The following KAT2B variants were observed in gnomAD, a reference collection of about 807,000 sequenced individuals.
KAT2B encodes the protein lysine acetyltransferase 2B.
In KAT2B, 36 loss-of-function variants were observed where a neutral mutation model predicts 105.9. The ratio of observed to expected loss-of-function variants is 0.34; its 90% CI spans 0.26 to 0.45. The LOEUF (loss-of-function observed/expected upper bound fraction) is 0.45, where lower values mean the gene tolerates loss of function less well. Ranked by LOEUF, KAT2B falls within the 20% of genes least tolerant of loss-of-function variation. The pLI is 1.00. For synonymous variants in KAT2B, 397 were observed against 377.9 expected, an observed-to-expected ratio of 1.05 and a Z score of -0.59; for missense variants, 820 against 1,021.6, an observed-to-expected ratio of 0.80 and a Z score of 2.69.
intron 17 of KAT2B, among the ~76,000 whole-genome samples, chr3:20,150,933 G>C (rs976532015): frequency 7.2e-5 from 11 of 152,250 alleles, no homozygotes; most frequent in South Asian, 2.1e-4. Flanking sequence ...ATTATATTGG[G>C]CAGCATATCT....
chr3:20,082,659 T>G (rs1042570605), intron 2 of KAT2B, among the ~76,000 whole-genome samples: 1 of 152,238 alleles, frequency 6.6e-6, no homozygotes, highest in African/African-American at 2.4e-5. Context: ...ATACATTTTT[T>G]GTTATTTTTT....
At chr3:20,139,591 G>A (rs1699663826) in intron 12 of KAT2B, among the ~76,000 whole-genome samples, 2 of 151,818 alleles carry the variant, frequency 1.3e-5, no homozygotes, top group Non-Finnish European at 2.9e-5. Flanking sequence ...GATACTTAAG[G>A]CAAATTATGT....
chr3:20,040,780 G>C lies in KAT2B; in HGVS notation c.303G>C (p.Lys101Asn). ...LEKLGVYSACKAEESCKCNGW... is the reference protein window; with the variant it reads ...LEKLGVYSACNAEESCKCNGW... ...AACTCGGAGTGTACTCCGCCTGCAAGGTACGCGCTCGCCGCTCTCGGACCG... is the reference window on the plus strand; with the variant it reads ...AACTCGGAGTGTACTCCGCCTGCAACGTACGCGCTCGCCGCTCTCGGACCG... Residue 101 changes from lysine (K) to asparagine (N), a missense_variant and splice_region_variant, in exon 1 of 18, where the codon AAG becomes AAC. Around this residue, in one of 6 missense-constraint regions of KAT2B, gnomAD observed 190 missense variants for 176.7 expected, o/e 1.08. Coordinates refer to ENST00000263754, the MANE Select transcript of KAT2B (RefSeq NM_003884.5). 1.3e-6 allele frequency: 2 copies of C among 1,588,162 alleles called. No individual in the cohort carries two copies. The highest frequency in any genetic ancestry group is 1.7e-6 in the Non-Finnish European group (2 of 1,170,934).
chr3:20,047,113 G>A, intron 1 of KAT2B, among the ~76,000 whole-genome samples: 1 of 151,526 alleles, frequency 6.6e-6, no homozygotes, highest in Non-Finnish European at 1.5e-5. Flanking sequence ...TTGAGGCAGG[G>A]TCTTACTCTG....
intron 7 of KAT2B, among the ~76,000 whole-genome samples, chr3:20,118,940 A>G (rs540232339): frequency 3.9e-5 from 6 of 152,034 alleles, no homozygotes; most frequent in African/African-American, 1.2e-4. Context: ...TAACATTGAT[A>G]TAGTATAGTT....
intron 2 of KAT2B, among the ~76,000 whole-genome samples, chr3:20,087,351 ATAATT>A (rs1358787502): frequency 1.3e-5 from 2 of 152,150 alleles, no homozygotes; most frequent in Non-Finnish European, 2.9e-5. Flanking sequence ...AAATGAGAAA[ATAATT>A]TATTTTTTTC....
intron 15 of KAT2B, 25 bp downstream of exon 15, chr3:20,148,024 T>G: frequency 6.2e-7 from 1 of 1,607,788 alleles, no homozygotes; most frequent in Non-Finnish European, 8.5e-7. Context: ...CAAGAGGATG[T>G]TAATGGAAGT....
intron 11 of KAT2B, among the ~76,000 whole-genome samples, chr3:20,136,597 C>T (rs1326800150): frequency 1.3e-5 from 2 of 152,040 alleles, no homozygotes; most frequent in African/African-American, 2.4e-5. Context: ...TCATAATCTA[C>T]ATTCATTCTG....
intron 2 of KAT2B, among the ~76,000 whole-genome samples, chr3:20,080,076 A>G (rs1217485558): frequency 7.9e-5 from 12 of 151,514 alleles, no homozygotes. Context: ...CAGCTTCTGG[A>G]GTTCTTATTT....
intron 2 of KAT2B, among the ~76,000 whole-genome samples, chr3:20,094,885 G>T (rs1426629382): frequency 6.6e-6 from 1 of 152,188 alleles, no homozygotes; most frequent in Non-Finnish European, 1.5e-5. Context: ...CTGCATTCAT[G>T]ACTAGGACCA....
At chr3:20,111,504 A>G (rs991849941) in intron 5 of KAT2B, 92 bp from the exon 6 acceptor site, 16 of 1,053,100 alleles carry the variant, frequency 1.5e-5, no homozygotes, top group Admixed American at 5.1e-5. Flanking sequence ...TTTTTCTGCT[A>G]TAGTTAATAG....
chr3:20,115,338 G>A (rs1699186472), intron 7 of KAT2B, among the ~76,000 whole-genome samples: 1 of 152,204 alleles, frequency 6.6e-6, no homozygotes. Flanking sequence ...AGTGGCATCA[G>A]TTGGCATTTT....
At position 20,154,272 on chromosome 3, in the gene KAT2B, T is replaced by C. The variant is rs569394376; in HGVS notation, c.*1747T>C. 3.3e-5 allele frequency: 5 copies of C among 152,652 alleles called. No homozygotes were observed. Among genetic ancestry groups the C allele is most frequent in the Non-Finnish European group, 7.3e-5 (5 of 68,032 alleles). The allele number at this position is 152,652 out of a possible 1,614,324, so 9.5% of individuals were successfully genotyped here. ...AAAATTAATATTTTCTTATAGATATTGTGCAATAAAGCTGAAGTAGAATGT... is the reference window on the plus strand; with the variant it reads ...AAAATTAATATTTTCTTATAGATATCGTGCAATAAAGCTGAAGTAGAATGT... On this transcript the variant is annotated 3_prime_UTR_variant, in exon 18 of 18. Coordinates refer to ENST00000263754, the MANE Select transcript of KAT2B (RefSeq NM_003884.5).
intron 13 of KAT2B, among the ~76,000 whole-genome samples, chr3:20,144,261 A>T (rs547613493): frequency 7.3e-6 from 1 of 136,224 alleles, no homozygotes; most frequent in East Asian, 2.1e-4. Flanking sequence ...GATTTAAGAG[A>T]TTGCCCTTGG....
intron 1 of KAT2B, among the ~76,000 whole-genome samples, chr3:20,064,777 G>A (rs1018948286): frequency 6.6e-6 from 1 of 152,184 alleles, no homozygotes; most frequent in Admixed American, 6.5e-5. Flanking sequence ...ATAAATGTTG[G>A]ATCAGTTATA....
intron 1 of KAT2B, among the ~76,000 whole-genome samples, chr3:20,045,019 T>A (rs1331516111): frequency 6.6e-6 from 1 of 152,094 alleles, no homozygotes; most frequent in East Asian, 1.9e-4. Flanking sequence ...GGTTATTTAT[T>A]TATTTATTTT....
chr3:20,149,992 C>A (rs138112106), intron 17 of KAT2B, among the ~76,000 whole-genome samples: 1 of 152,204 alleles, frequency 6.6e-6, no homozygotes, highest in South Asian at 2.1e-4. Context: ...TGACGTGCAG[C>A]GATAGGTCTA....
At chr3:20,139,189 A>G (rs1314673293) in intron 12 of KAT2B, among the ~76,000 whole-genome samples, 3 of 151,714 alleles carry the variant, frequency 2.0e-5, no homozygotes. Flanking sequence ...TGCTGAGATT[A>G]TAGGCATGAG....
intron 1 of KAT2B, among the ~76,000 whole-genome samples, chr3:20,051,336 C>T (rs1038517383): frequency 1.3e-5 from 2 of 152,006 alleles, no homozygotes; most frequent in African/African-American, 4.8e-5. Flanking sequence ...GATGTCACTG[C>T]TGGTAGTATG....
Sources: gnomAD v4.1 joint callset for allele counts (sites outside exome capture counted in the v4.1 genomes callset) on GRCh38, gnomAD v4.1.1 for gene constraint, gnomAD v4.1.1 regional missense constraint, MANE v1.5 for transcripts, NCBI Gene and HGNC (gene_info 2026-07-23, HGNC 2026-07-21) for gene names.